TM7SF3: variants seen among roughly 807,000 people sequenced by gnomAD.
The protein encoded by TM7SF3 is transmembrane 7 superfamily member 3, also known as seven span transmembrane protein.
Under a neutral mutation model 65.5 loss-of-function variants are expected in TM7SF3, and 60 were observed. The ratio of observed to expected loss-of-function variants is 0.92; its 90% confidence interval spans 0.74 to 1.14. The LOEUF is 1.14. Ranked by LOEUF, TM7SF3 falls within the 50% of genes most tolerant of loss-of-function variation. The probability of loss-of-function intolerance (pLI) is 0.00; values close to 1 mark genes in which losing one functional copy is unlikely to be tolerated. For missense variants in TM7SF3, 623 were observed against 684.8 expected (o/e 0.91, Z 1.01); for synonymous variants, 264 against 259.6 (o/e 1.02, Z -0.16).
intron 1 of TM7SF3, among the ~76,000 whole-genome samples, chr12:27,012,248 A>T (rs1054027574): frequency 2.0e-5 from 3 of 152,188 alleles, no homozygotes; most frequent in Non-Finnish European, 4.4e-5. Flanking sequence ...TCCTCTGACA[A>T]GGGAGGAAGA....
At position 27,014,221 on chromosome 12, in the gene TM7SF3, T is replaced by C. The variant is rs955922167; in HGVS notation, c.-53A>G. 5 of 1,520,928 alleles carry C rather than the reference T, an allele frequency of 3.3e-6. No individual in the cohort carries two copies. In the Admixed American group the frequency reaches 8.2e-5, roughly 25 times the overall value. The allele number at this position is 1,520,928 out of a possible 1,614,324, so 94.2% of individuals were successfully genotyped here. ...CCAGGGCTGGGGAGAGGTGCGGGCG[T>C]GCGCGCCGGGGCCCCGCAGCCTCGC... On this transcript the variant is annotated 5_prime_UTR_variant, in exon 1 of 12. Transcript: ENST00000343028.
At chr12:26,988,471 A>AT (rs1200708043) in intron 6 of TM7SF3, among the ~76,000 whole-genome samples, 2 of 151,466 alleles carry the variant, frequency 1.3e-5, no homozygotes, top group East Asian at 1.9e-4. Context: ...GCCAAAAATA[A>AT]TTTTTTTTTA....
chr12:26,999,502 G>C (rs763007081), intron 3 of TM7SF3, 24 bp downstream of exon 3: 1 of 1,610,974 alleles, frequency 6.2e-7, no homozygotes, highest in East Asian at 2.2e-5. Flanking sequence ...AAGAGTAAGA[G>C]GGAGGAGAAG....
At chr12:26,999,751 A>T in intron 2 of TM7SF3, 75 bp from the exon 3 acceptor site, 1 of 1,471,956 alleles carries the variant, frequency 6.8e-7, no homozygotes, top group Non-Finnish European at 9.3e-7. Flanking sequence ...TCCAGTGTGC[A>T]TGTCCTATTC....
chr12:26,987,583 G>A (rs973847269), intron 6 of TM7SF3, among the ~76,000 whole-genome samples: 2 of 152,180 alleles, frequency 1.3e-5, no homozygotes, highest in African/African-American at 4.8e-5. Flanking sequence ...TAAATACATG[G>A]ATAAATAAAT....
chr12:26,989,862 C>T (rs1207733907), intron 6 of TM7SF3, among the ~76,000 whole-genome samples: 1 of 152,178 alleles, frequency 6.6e-6, no homozygotes, highest in Non-Finnish European at 1.5e-5. Context: ...TGCTCAAAAC[C>T]TTCCAATGCC....
At chr12:27,010,368 C>G (rs143023136) in intron 1 of TM7SF3, among the ~76,000 whole-genome samples, 2 of 152,230 alleles carry the variant, frequency 1.3e-5, no homozygotes, top group African/African-American at 4.8e-5. Flanking sequence ...CTAACATGTA[C>G]AGGGCATTCA....
rs577230102 is a variant in TM7SF3 at position 26,983,450 on chromosome 12, G to A, written c.869-591C>T. On this transcript the variant is annotated intron_variant, in intron 6 of 11. Coordinates refer to ENST00000343028, the MANE Select transcript of TM7SF3 (RefSeq NM_016551.3). ...AAAATGAAAATTATGTTAATGACACGGTGGTTCTATTTTTTAAGTGCTTAT... is the reference window on the plus strand; with the variant it reads ...AAAATGAAAATTATGTTAATGACACAGTGGTTCTATTTTTTAAGTGCTTAT... 48 of 394,070 alleles carry A rather than the reference G, an allele frequency of 1.2e-4. 2 individuals carry two copies. The highest frequency in any genetic ancestry group is 3.5e-4 in the South Asian group (19 of 54,994). The allele number at this position is 394,070 out of a possible 1,614,324, so 24.4% of individuals were successfully genotyped here. A position where few individuals can be genotyped will look rare whatever the true frequency, so the allele number is the denominator to read the frequency against.
At position 27,003,345 on chromosome 12, in the gene TM7SF3, T is replaced by C. The variant is rs774256896; in HGVS notation, c.137A>G (p.Asn46Ser). The C allele has an allele frequency of 3.1e-6, 5 of 1,613,558 alleles. No individual in the cohort carries two copies. The highest frequency in any genetic ancestry group is 1.3e-5 in the African/African-American group (1 of 75,058). ...SVGKFRYFEL[N>S]RPFPEEAILH... ...AATAGCTTCCTCTGGAAAGGGCCTA[T>C]TGAGCTCGAAGTATCTAAATTTCCC... is the stretch of plus-strand genomic sequence containing the variant. The change falls in exon 2 of 12, where the codon AAT becomes AGT. Residue 46 changes from asparagine (N) to serine (S), a missense_variant. By Grantham distance (46) the Asn-to-Ser change is conservative. Coordinates refer to ENST00000343028, the MANE Select transcript of TM7SF3 (RefSeq NM_016551.3).
intron 6 of TM7SF3, 95 bp from the exon 7 acceptor site, chr12:26,982,954 A>C: frequency 1.2e-6 from 1 of 853,264 alleles, no homozygotes; most frequent in Non-Finnish European, 1.8e-6. Context: ...AGCTAAGTGA[A>C]CTGACATAAT....
rs897975488 is a variant in TM7SF3, at chr12:26,975,551, T to G, written c.1395A>C (p.Arg465Ser). ...LSYITLNVLKRALNKDFHRAF... is the reference protein window; with the variant it reads ...LSYITLNVLKSALNKDFHRAF... ...CTCTGTGGAAATCCTTGTTGAGCGCTCTCTTGAGTACGTTCAAAGTGATGT... is the reference window on the plus strand; with the variant it reads ...CTCTGTGGAAATCCTTGTTGAGCGCGCTCTTGAGTACGTTCAAAGTGATGT... Residue 465 changes from arginine (R) to serine (S), a missense_variant, in exon 11 of 12, where the codon AGA becomes AGC. Transcript: ENST00000343028. 1 of 1,613,982 alleles carries G rather than the reference T, an allele frequency of 6.2e-7. No homozygotes were observed. Among genetic ancestry groups the G allele is most frequent in the African/African-American group, 1.3e-5 (1 of 74,892 alleles).
Position 26,979,847 on chromosome 12 carries a change from T to G in TM7SF3, c.1126A>C (p.Met376Leu), listed in dbSNP as rs1157373531. Reference sequence around the variant, plus strand: ...CCCAGCACTAGTCCAACACAGAGCATGCAGATCGAGAGGATTCCAAATCGC... The same window carrying G: ...CCCAGCACTAGTCCAACACAGAGCAGGCAGATCGAGAGGATTCCAAATCGC... Reference protein sequence around the residue: ...WWRFGILSICMLCVGLVLGFL... With the variant: ...WWRFGILSICLLCVGLVLGFL... Residue 376 changes from methionine to leucine, a missense_variant, in exon 9 of 12, where the codon ATG (methionine) becomes CTG (leucine). Met to Leu is a conservative substitution (Grantham distance 15). Coordinates refer to ENST00000343028, the MANE Select transcript of TM7SF3 (RefSeq NM_016551.3). 3.1e-6 allele frequency: 5 copies of G among 1,614,032 alleles called. No individual in the cohort carries two copies. The highest frequency in any genetic ancestry group is 4.2e-6 in the Non-Finnish European group (5 of 1,180,036).
At chr12:26,985,192 C>G (rs1939990640) in intron 6 of TM7SF3, among the ~76,000 whole-genome samples, 1 of 152,162 alleles carries the variant, frequency 6.6e-6, no homozygotes, top group Non-Finnish European at 1.5e-5. Context: ...AGACATACTT[C>G]AGTCCATCGG....
rs559234671 is a variant in TM7SF3 at position 26,998,085 on chromosome 12, G to A, written c.398-1223C>T. Reference sequence around the variant, plus strand: ...ATAAATTATACCTGCAACCTGCTTCGGCCTCCCAAAGTGCTGGGATTACAG... The same window carrying A: ...ATAAATTATACCTGCAACCTGCTTCAGCCTCCCAAAGTGCTGGGATTACAG... On this transcript the variant is annotated intron_variant, in intron 3 of 11. Coordinates refer to ENST00000343028, the MANE Select transcript of TM7SF3 (RefSeq NM_016551.3). Among the ~76,000 whole-genome samples, 4 of 151,952 alleles carry A rather than the reference G, an allele frequency of 2.6e-5. 1 individual carries two copies. The highest frequency in any genetic ancestry group is 6.6e-5 in the Admixed American group (1 of 15,232).
At chr12:27,005,501 C>G (rs1056671942) in intron 1 of TM7SF3, among the ~76,000 whole-genome samples, 1 of 152,178 alleles carries the variant, frequency 6.6e-6, no homozygotes, top group African/African-American at 2.4e-5. Context: ...ATCCTCATGT[C>G]TATCTCCCAT....
intron 6 of TM7SF3, among the ~76,000 whole-genome samples, chr12:26,985,654 T>A (rs935303685): frequency 3.5e-3 from 124 of 35,614 alleles, no homozygotes; most frequent in Admixed American, 3.9e-3. Context: ...AAAAAAAAAA[T>A]ATATATATAT....
At chr12:26,989,398 C>G (rs1313316357) in intron 6 of TM7SF3, among the ~76,000 whole-genome samples, 28 of 152,148 alleles carry the variant, frequency 1.8e-4, no homozygotes, top group Non-Finnish European at 2.4e-4. Context: ...GATCATGCCA[C>G]TGCACTCCAG....
intron 1 of TM7SF3, among the ~76,000 whole-genome samples, chr12:27,013,826 T>TA (rs762285839): frequency 3.7e-4 from 56 of 152,194 alleles, no homozygotes; most frequent in Admixed American, 2.3e-3. Context: ...AATACTGTGT[T>TA]AAAAAAAGAG....
At position 27,014,148 on chromosome 12, in the gene TM7SF3, C is replaced by T; in HGVS notation, c.21G>A (p.Leu7=). ...GTTCGGATGCCAGCACCGCTACGAC[C>T]AGCAGCTGCAGGAACCCCATTGCTG... MGFLQL[L]VVAVLASEHR... Residue 7 remains leucine (L), a synonymous_variant, in exon 1 of 12, where the codon CTG becomes CTA. Coordinates refer to ENST00000343028, the MANE Select transcript of TM7SF3 (RefSeq NM_016551.3). 1.3e-6 allele frequency: 2 copies of T among 1,564,216 alleles called. No homozygotes were observed. The highest frequency in any genetic ancestry group is 2.4e-5 in the South Asian group (2 of 85,004).
Sources: gnomAD v4.1 joint callset for allele counts (sites outside exome capture counted in the v4.1 genomes callset) on GRCh38, gnomAD v4.1.1 for gene constraint, MANE v1.5 for transcripts, NCBI Gene and HGNC (gene_info 2026-07-23, HGNC 2026-07-21) for gene names.